Variants in DOCK2 observed in about 807,000 individuals in gnomAD.
DOCK2 encodes the protein dedicator of cytokinesis protein 2.
A neutral mutation model predicts 248.9 loss-of-function variants in DOCK2; 87 were observed. The observed-to-expected ratio is 0.35, with a 90% CI of 0.29 to 0.42. DOCK2 has a LOEUF of 0.42. Ranked by LOEUF, DOCK2 falls within the 10% of genes least tolerant of loss-of-function variation. The pLI is 1.00. For missense variants in DOCK2, 1,747 were observed against 2,300.2 expected, an observed-to-expected ratio of 0.76 and a Z score of 4.92; for synonymous variants, 805 against 821.6, an observed-to-expected ratio of 0.98 and a Z score of 0.35.
intron 27 of DOCK2, among the ~76,000 whole-genome samples, chr5:169,968,899 T>C (rs1214368437): frequency 1.3e-5 from 2 of 152,146 alleles, no homozygotes; most frequent in African/African-American, 4.8e-5. Flanking sequence ...AAATGAATTA[T>C]GCATTTTAGG....
In DOCK2 at chr5:170,001,305, G is replaced by T. The variant is rs904559298; in HGVS notation, c.3072+5141G>T. Among the ~76,000 whole-genome samples, 6 of 152,246 alleles carry T rather than the reference G, an allele frequency of 3.9e-5. No homozygotes were observed. In the South Asian group the frequency reaches 1.2e-3, roughly 32 times the overall value. ...ATAATGATTCAAGGTCACTGAGAAA[G>T]AATCCTGATTCTGATTAAAAAATCC... On this transcript the variant is annotated intron_variant, in intron 30 of 51. Coordinates refer to ENST00000520908, the MANE Select transcript of DOCK2 (RefSeq NM_004946.3).
chr5:169,668,719 A>T (rs1470773869), intron 2 of DOCK2, among the ~76,000 whole-genome samples: 1 of 152,208 alleles, frequency 6.6e-6, no homozygotes, highest in Non-Finnish European at 1.5e-5. Flanking sequence ...CAAAGGGTAG[A>T]TCTCTTAAAA....
intron 27 of DOCK2, among the ~76,000 whole-genome samples, chr5:169,932,250 CCT>C (rs1254294634): frequency 2.0e-5 from 3 of 152,058 alleles, no homozygotes; most frequent in Non-Finnish European, 2.9e-5. Flanking sequence ...TTTACAGAGC[CCT>C]GTTATGAGGA....
chr5:169,897,705 AC>A (rs550870685), intron 27 of DOCK2, among the ~76,000 whole-genome samples: 1 of 152,162 alleles, frequency 6.6e-6, no homozygotes, highest in Non-Finnish European at 1.5e-5. Context: ...CTGCCTTGTG[AC>A]GGGGTGAGCT....
intron 27 of DOCK2, among the ~76,000 whole-genome samples, chr5:169,902,970 T>G (rs562731692): frequency 6.6e-6 from 1 of 151,978 alleles, no homozygotes; most frequent in Admixed American, 6.6e-5. Context: ...TGGTGGCACA[T>G]GCCTGTAGTC....
At chr5:169,725,233 T>C (rs1207204537) in intron 22 of DOCK2, among the ~76,000 whole-genome samples, 1 of 152,242 alleles carries the variant, frequency 6.6e-6, no homozygotes, top group African/African-American at 2.4e-5. Context: ...AACTGAACAA[T>C]TGCAGTTAAT....
intron 27 of DOCK2, among the ~76,000 whole-genome samples, chr5:169,848,794 C>G (rs1391290751): frequency 6.6e-6 from 1 of 152,094 alleles, no homozygotes; most frequent in African/African-American, 2.4e-5. Flanking sequence ...AAATTCAGAG[C>G]AGTTTGTTCA....
chr5:169,740,486 C>T (rs1289463132), intron 22 of DOCK2, among the ~76,000 whole-genome samples: 1 of 152,206 alleles, frequency 6.6e-6, no homozygotes, highest in Admixed American at 6.5e-5. Flanking sequence ...ATCTCCTTTG[C>T]TATTTGCCCT....
intron 23 of DOCK2, among the ~76,000 whole-genome samples, chr5:169,752,958 G>A (rs1247765044): frequency 2.6e-5 from 4 of 151,960 alleles, no homozygotes; most frequent in South Asian, 2.1e-4. Flanking sequence ...CCAGGTATTC[G>A]GGAGGCTGAG....
intron 9 of DOCK2, among the ~76,000 whole-genome samples, chr5:169,694,956 C>T (rs1760527174): frequency 1.3e-5 from 2 of 152,098 alleles, no homozygotes; most frequent in Admixed American, 6.5e-5. Context: ...GCCTGTGTGA[C>T]AGAGTGAAGC....
chr5:169,878,273 T>C (rs974172005), intron 27 of DOCK2, among the ~76,000 whole-genome samples: 1 of 152,186 alleles, frequency 6.6e-6, no homozygotes. Context: ...ATTCTCCACC[T>C]TCATGGTTTT....
intron 40 of DOCK2, among the ~76,000 whole-genome samples, chr5:170,048,594 A>G (rs548526360): frequency 6.6e-6 from 1 of 152,276 alleles, no homozygotes; most frequent in Non-Finnish European, 1.5e-5. Flanking sequence ...TGCTTCTGCA[A>G]TCTGTTGCGA....
intron 26 of DOCK2, among the ~76,000 whole-genome samples, chr5:169,820,083 G>A (rs1768329915): frequency 6.6e-6 from 1 of 152,204 alleles, no homozygotes; most frequent in Non-Finnish European, 1.5e-5. Context: ...AGGGGCGCCC[G>A]CCATAGCTGA....
intron 2 of DOCK2, among the ~76,000 whole-genome samples, chr5:169,657,687 T>C (rs1758200833): frequency 1.3e-5 from 2 of 152,230 alleles, no homozygotes; most frequent in Non-Finnish European, 2.9e-5. Flanking sequence ...TTTAATCTTA[T>C]ATCCATGTGC....
At chr5:169,912,621 ATG>A (rs59287791) in intron 27 of DOCK2, among the ~76,000 whole-genome samples, 3 of 150,408 alleles carry the variant, frequency 2.0e-5, no homozygotes, top group Non-Finnish European at 1.5e-5. Context: ...GGTGGAGTGT[ATG>A]TGTGTGTGTG....
intron 27 of DOCK2, chr5:169,884,593 C>T (rs916127942): frequency 6.6e-6 from 1 of 152,184 alleles, no homozygotes; most frequent in African/African-American, 2.4e-5. Flanking sequence ...AACTTATCTT[C>T]CTAAATAGCC....
At chr5:169,642,749 G>A (rs769521034) in intron 1 of DOCK2, among the ~76,000 whole-genome samples, 19 of 152,310 alleles carry the variant, frequency 1.2e-4, no homozygotes, top group African/African-American at 3.1e-4. Context: ...GTCCTAATCC[G>A]TAGTTATATG....
intron 27 of DOCK2, among the ~76,000 whole-genome samples, chr5:169,941,318 C>T (rs1019479188): frequency 2.0e-5 from 3 of 152,210 alleles, no homozygotes; most frequent in Admixed American, 6.5e-5. Context: ...AGCAATTCTC[C>T]TGTCTCAGCC....
chr5:169,804,473 T>C (rs1767200287), intron 26 of DOCK2, among the ~76,000 whole-genome samples: 2 of 73,880 alleles, frequency 2.7e-5, no homozygotes, highest in African/African-American at 6.5e-5. Context: ...TGTGTGTGTG[T>C]GTGTGTGTGT....
Sources: gnomAD v4.1 joint callset for allele counts (sites outside exome capture counted in the v4.1 genomes callset) on GRCh38, gnomAD v4.1.1 for gene constraint, MANE v1.5 for transcripts, NCBI Gene and HGNC (gene_info 2026-07-23, HGNC 2026-07-21) for gene names.